The following LTBP1 variants were observed in gnomAD, a reference collection of about 807,000 sequenced individuals.
The protein encoded by LTBP1 is latent-transforming growth factor beta-binding protein 1.
A neutral mutation model predicts 207.6 loss-of-function variants in LTBP1; 129 were observed. That is an observed-to-expected ratio of 0.62 (90% CI 0.54 to 0.72). The LOEUF (loss-of-function observed/expected upper bound fraction) is 0.72, where lower values mean the gene tolerates loss of function less well. LTBP1 is among the 30% of genes least tolerant of loss of function. LTBP1 has a pLI of 0.00. For synonymous variants in LTBP1, 963 were observed against 833.7 expected, an observed-to-expected ratio of 1.16 and a Z score of -2.67; for missense variants, 2,281 against 2,217.2, an observed-to-expected ratio of 1.03 and a Z score of -0.58.
chr2:33,254,370 T>C (rs935800352), intron 11 of LTBP1, among the ~76,000 whole-genome samples: 1 of 152,062 alleles, frequency 6.6e-6, no homozygotes, highest in Non-Finnish European at 1.5e-5. Flanking sequence ...TCAATTTTGA[T>C]AGCTTTATAA....
intron 5 of LTBP1, among the ~76,000 whole-genome samples, chr2:33,174,665 T>G (rs1024758776): frequency 5.9e-5 from 9 of 152,094 alleles, no homozygotes; most frequent in Admixed American, 2.0e-4. Context: ...ACTTTAAAGT[T>G]CATATGGAAC....
At chr2:33,202,806 C>A (rs2089465350) in intron 7 of LTBP1, among the ~76,000 whole-genome samples, 1 of 152,192 alleles carries the variant, frequency 6.6e-6, no homozygotes, top group African/African-American at 2.4e-5. Flanking sequence ...GATCTTGGAC[C>A]AGTGCAGTGG....
chr2:32,987,458 A>G (rs1054120314), intron 2 of LTBP1, among the ~76,000 whole-genome samples: 6 of 152,062 alleles, frequency 3.9e-5, no homozygotes, highest in Admixed American at 3.9e-4. Flanking sequence ...TCTCGTAGTT[A>G]GTGAGGAGAT....
chr2:33,177,618 A>T (rs1272134705), intron 5 of LTBP1, among the ~76,000 whole-genome samples: 1 of 151,614 alleles, frequency 6.6e-6, no homozygotes, highest in Non-Finnish European at 1.5e-5. Flanking sequence ...CGGTGAGCCG[A>T]GATCACACCA....
At chr2:33,185,945 A>T (rs1000271007) in intron 5 of LTBP1, among the ~76,000 whole-genome samples, 24 of 152,346 alleles carry the variant, frequency 1.6e-4, no homozygotes, top group African/African-American at 5.5e-4. Context: ...TGATGTTTAA[A>T]GGCTGATAGG....
At chr2:33,267,831 C>T (rs1186258834) in intron 15 of LTBP1, among the ~76,000 whole-genome samples, 1 of 152,178 alleles carries the variant, frequency 6.6e-6, no homozygotes, top group Non-Finnish European at 1.5e-5. Context: ...ATTGAAGTTA[C>T]TCAGCTTCAA....
chr2:33,194,491 A>G (rs2088310220), intron 7 of LTBP1, among the ~76,000 whole-genome samples: 1 of 152,166 alleles, frequency 6.6e-6, no homozygotes, highest in South Asian at 2.1e-4. Context: ...GCTAATACGG[A>G]GAATGTTTGA....
chr2:33,017,663 C>CTGGA (rs1267563733), intron 2 of LTBP1, among the ~76,000 whole-genome samples: 2 of 152,336 alleles, frequency 1.3e-5, no homozygotes, highest in Admixed American at 6.5e-5. Flanking sequence ...GTCGCCCAGG[C>CTGGA]TGGAGTGCAG....
chr2:33,091,874 G>C (rs900598604), intron 3 of LTBP1, among the ~76,000 whole-genome samples: 1 of 151,900 alleles, frequency 6.6e-6, no homozygotes, highest in African/African-American at 2.4e-5. Flanking sequence ...TCCACTTTCA[G>C]AGTGAATTTT....
In LTBP1 at chr2:33,001,371, A is replaced by G. The variant is rs1293821015; in HGVS notation, c.566-19538A>G. Among the ~76,000 whole-genome samples, 5 of 135,190 alleles carry G rather than the reference A, an allele frequency of 3.7e-5. 2 individuals are homozygous for G. The highest frequency in any genetic ancestry group is 1.3e-4 in the African/African-American group (5 of 38,780). 88.7% of individuals were successfully genotyped at this position (135,190 alleles called of 152,430 possible). A position where few individuals can be genotyped will look rare whatever the true frequency, so the allele number is the denominator to read the frequency against. On this transcript the variant is annotated intron_variant, in intron 2 of 33. Transcript: ENST00000404816. ...CCCCAAACCCAGAGTTTCTGATTCCATGGGTCTGAGGTGGGACGTGAGAAC... is the reference window on the plus strand; with the variant it reads ...CCCCAAACCCAGAGTTTCTGATTCCGTGGGTCTGAGGTGGGACGTGAGAAC...
chr2:33,188,922 A>T (rs1308844584), intron 7 of LTBP1, 71 bp downstream of exon 7: 13 of 1,497,022 alleles, frequency 8.7e-6, no homozygotes, highest in Admixed American at 2.2e-5. Context: ...AGAAAGCCAG[A>T]CTTGATAAAA....
intron 3 of LTBP1, among the ~76,000 whole-genome samples, chr2:33,061,724 G>T (rs2077279680): frequency 6.6e-6 from 1 of 152,062 alleles, no homozygotes; most frequent in Non-Finnish European, 1.5e-5. Context: ...TGAACACCTG[G>T]GTTGTTTCTA....
At chr2:33,251,062 A>G (rs1436156010) in intron 10 of LTBP1, among the ~76,000 whole-genome samples, 2 of 152,138 alleles carry the variant, frequency 1.3e-5, no homozygotes, top group African/African-American at 4.8e-5. Flanking sequence ...ACTTGGACCC[A>G]CTAACACCAA....
In LTBP1 at chr2:32,948,885, T is replaced by G; in HGVS notation, c.505T>G (p.Cys169Gly). Residue 169 changes from cysteine to glycine, a missense_variant, in exon 2 of 34, where the codon TGT becomes GGT. Physicochemically the swap from Cys to Gly is radical, Grantham distance 159. Coordinates refer to ENST00000404816, the MANE Select transcript of LTBP1 (RefSeq NM_206943.4). ...QKQQLQGVNV[C>G]GGRCCHGWSK... ...CTTGCTTTGTTTCAGGGTCAATGTC[T>G]GTGGAGGGCGGTGCTGTCATGGCTG... The G allele has an allele frequency of 1.2e-6, 2 of 1,614,176 alleles. No individual in the cohort carries two copies. The highest frequency in any genetic ancestry group is 1.7e-6 in the Non-Finnish European group (2 of 1,180,034).
At chr2:33,305,158 CA>C (rs1009527681) in intron 22 of LTBP1, among the ~76,000 whole-genome samples, 36 of 145,378 alleles carry the variant, frequency 2.5e-4, no homozygotes, top group African/African-American at 4.5e-4. Flanking sequence ...ACTAAAAATA[CA>C]AAAAAAAAAG....
At chr2:33,135,148 C>G (rs143870033) in intron 5 of LTBP1, among the ~76,000 whole-genome samples, 188 bp downstream of exon 5, 1 of 152,222 alleles carries the variant, frequency 6.6e-6, no homozygotes, top group Admixed American at 6.5e-5. Flanking sequence ...TTCTTGGTTT[C>G]TTAGGGGAAT....
intron 2 of LTBP1, among the ~76,000 whole-genome samples, chr2:32,978,801 A>G (rs924291954): frequency 6.6e-6 from 1 of 151,750 alleles, no homozygotes; most frequent in Non-Finnish European, 1.5e-5. Context: ...TCTTCTTTAA[A>G]TGTTTGGTAA....
At chr2:33,238,639 A>C (rs1334116769) in intron 9 of LTBP1, among the ~76,000 whole-genome samples, 2 of 152,226 alleles carry the variant, frequency 1.3e-5, no homozygotes, top group Non-Finnish European at 2.9e-5. Context: ...ATTTTGTCCT[A>C]GTTGGACCAA....
chr2:32,955,952 C>T (rs1368270693), intron 2 of LTBP1, among the ~76,000 whole-genome samples: 1 of 152,096 alleles, frequency 6.6e-6, no homozygotes, highest in Non-Finnish European at 1.5e-5. Flanking sequence ...TAAAGTGAGT[C>T]ACAAATTTTT....
Sources: gnomAD v4.1 joint callset for allele counts (sites outside exome capture counted in the v4.1 genomes callset) on GRCh38, gnomAD v4.1.1 for gene constraint, MANE v1.5 for transcripts, NCBI Gene and HGNC (gene_info 2026-07-23, HGNC 2026-07-21) for gene names.